Variants in MYLIP observed in about 807,000 individuals in gnomAD.
MYLIP encodes the protein E3 ubiquitin-protein ligase MYLIP.
MYLIP carries 26 observed loss-of-function variants against 45.8 expected under a neutral mutation model. The ratio of observed to expected loss-of-function variants is 0.57; its 90% CI spans 0.42 to 0.79. The LOEUF (loss-of-function observed/expected upper bound fraction) is 0.79, where lower values mean the gene tolerates loss of function less well. MYLIP is among the 30% of genes least tolerant of loss of function. MYLIP has a pLI of 0.00. For missense variants in MYLIP, 494 were observed against 555.6 expected, an observed-to-expected ratio of 0.89 and a Z score of 1.11; for synonymous variants, 213 against 218.1, an observed-to-expected ratio of 0.98 and a Z score of 0.21.
Position 16,130,702 on chromosome 6 carries a change from T to G in MYLIP, c.233T>G (p.Val78Gly), listed in dbSNP as rs766714622. The G allele has an allele frequency of 1.2e-6, 2 of 1,614,072 alleles. No individual in the cohort carries two copies. The highest frequency in any genetic ancestry group is 1.7e-6 in the Non-Finnish European group (2 of 1,180,000). ...GLAPYRLKLR[V>G]KFFVEPHLIL... ...GCCCCTTACAGGCTTAAACTTAGAG[T>G]CAAGTTCTTCGTGGAGCCTCATCTC... The change falls in exon 2 of 7, where the codon GTC becomes GGC. Residue 78 changes from valine to glycine, a missense_variant. Transcript: ENST00000356840.
chr6:16,130,655 C>G lies in MYLIP; in HGVS notation c.186C>G (p.Ile62Met). 1 of 1,614,220 alleles carries G rather than the reference C, an allele frequency of 6.2e-7. No individual in the cohort carries two copies. Among genetic ancestry groups the G allele is most frequent in the South Asian group, 1.1e-5 (1 of 91,086 alleles). ...ESLWLNLRNRISQQMDGLAPY... is the reference protein window; with the variant it reads ...ESLWLNLRNRMSQQMDGLAPY... ...TATGGCTAAACCTGAGAAACCGGAT[C>G]TCCCAGCAGATGGATGGGCTAGCCC... is the stretch of plus-strand genomic sequence containing the variant. Residue 62 changes from isoleucine (I) to methionine (M), a missense_variant, in exon 2 of 7, where the codon ATC (isoleucine) becomes ATG (methionine). Coordinates refer to ENST00000356840, the MANE Select transcript of MYLIP (RefSeq NM_013262.4).
intron 2 of MYLIP, 107 bp downstream of exon 2, chr6:16,130,854 A>G: frequency 2.7e-6 from 3 of 1,129,356 alleles, no homozygotes; most frequent in Non-Finnish European, 3.7e-6. Context: ...TTTGATGCGG[A>G]GTTCCATCTT....
chr6:16,142,694 T>A (rs992351672), intron 3 of MYLIP, among the ~76,000 whole-genome samples: 1 of 152,230 alleles, frequency 6.6e-6, no homozygotes, highest in Non-Finnish European at 1.5e-5. Context: ...TTTATACTTA[T>A]AAACTATATG....
chr6:16,149,787 A>C (rs904566243), downstream of MYLIP, among the ~76,000 whole-genome samples: 4 of 152,268 alleles, frequency 2.6e-5, no homozygotes, highest in Non-Finnish European at 4.4e-5. Flanking sequence ...AGACAGAGTC[A>C]AAATACTTTA....
intron 5 of MYLIP, 21 bp downstream of exon 5, chr6:16,143,884 G>T: frequency 6.2e-7 from 1 of 1,608,300 alleles, no homozygotes; most frequent in Non-Finnish European, 8.5e-7. Flanking sequence ...CGTGTGCTTG[G>T]TCACCTCAGC....
the MYLIP span, among the ~76,000 whole-genome samples, chr6:16,158,811 A>C: frequency 6.6e-6 from 1 of 152,228 alleles, no homozygotes; most frequent in Non-Finnish European, 1.5e-5. Context: ...CGGAGCTTGC[A>C]GTGAGCCGAG....
chr6:16,146,980 A>G lies in MYLIP; in HGVS notation c.*229A>G. The stretch of plus-strand genomic sequence containing the variant: ...GACCAGGAGGAGCTCTGGGACGCAG[A>G]CACATTCCTTGGATGTTGATTTTTT... On this transcript the variant is annotated 3_prime_UTR_variant, in exon 7 of 7. Coordinates refer to ENST00000356840, the MANE Select transcript of MYLIP (RefSeq NM_013262.4). The G allele has an allele frequency of 2.4e-6, 1 of 410,008 alleles. No individual in the cohort carries two copies. Among genetic ancestry groups the G allele is most frequent in the Non-Finnish European group, 4.5e-6 (1 of 220,856 alleles). 25.4% of individuals were successfully genotyped at this position (410,008 alleles called of 1,614,324 possible).
downstream of MYLIP, among the ~76,000 whole-genome samples, chr6:16,151,631 T>C (rs1456839543): frequency 6.6e-6 from 1 of 152,240 alleles, no homozygotes; most frequent in African/African-American, 2.4e-5. Context: ...TTCCAAAACA[T>C]TGCAGATTAC....
At chr6:16,140,522 A>T (rs1759646606) in intron 2 of MYLIP, among the ~76,000 whole-genome samples, 1 of 152,180 alleles carries the variant, frequency 6.6e-6, no homozygotes, top group South Asian at 2.1e-4. Context: ...CATAATATAC[A>T]TGTTATGTCA....
downstream of MYLIP, among the ~76,000 whole-genome samples, chr6:16,149,475 A>T (rs1308413634): frequency 6.6e-6 from 1 of 152,258 alleles, no homozygotes; most frequent in Non-Finnish European, 1.5e-5. Context: ...AGTTGGAAAA[A>T]GAAAGTGCAT....
intron 2 of MYLIP, 198 bp from the exon 3 acceptor site, chr6:16,141,427 T>C (rs1197451837): frequency 8.9e-6 from 4 of 448,544 alleles, no homozygotes; most frequent in African/African-American, 5.9e-5. Context: ...GTCACAACTT[T>C]TATTCCAGAG....
At chr6:16,158,918 AT>A in the MYLIP span, among the ~76,000 whole-genome samples, 1 of 152,192 alleles carries the variant, frequency 6.6e-6, no homozygotes, top group Non-Finnish European at 1.5e-5. Flanking sequence ...GTTCATGGTC[AT>A]TTTTTGAAGA....
At chr6:16,145,932 T>A (rs1759781244) in intron 6 of MYLIP, among the ~76,000 whole-genome samples, 1 of 152,224 alleles carries the variant, frequency 6.6e-6, no homozygotes. Flanking sequence ...TCTTACAAGT[T>A]TTTTCAATTT....
Position 16,130,741 on chromosome 6 carries a change from A to G in MYLIP, c.272A>G (p.Gln91Arg), listed in dbSNP as rs777026271. The part of the protein sequence containing the change: ...FVEPHLILQE[Q>R]TRHIFFLHIK... Reference sequence around the variant, plus strand: ...GAGCCTCATCTCATCTTACAGGAGCAGACTAGGTAAAGTGAGCTAAAATAA... The same window carrying G: ...GAGCCTCATCTCATCTTACAGGAGCGGACTAGGTAAAGTGAGCTAAAATAA... The change falls in exon 2 of 7, where the codon CAG becomes CGG. Residue 91 changes from glutamine (Q) to arginine (R), a missense_variant. Gln to Arg is a conservative substitution (Grantham distance 43). Transcript: ENST00000356840. The G allele has an allele frequency of 2.5e-6, 4 of 1,613,366 alleles. No individual in the cohort carries two copies. Among genetic ancestry groups the G allele is most frequent in the Non-Finnish European group, 3.4e-6 (4 of 1,179,684 alleles).
At chr6:16,140,583 T>G (rs975433736) in intron 2 of MYLIP, among the ~76,000 whole-genome samples, 2 of 151,966 alleles carry the variant, frequency 1.3e-5, no homozygotes, top group Non-Finnish European at 2.9e-5. Context: ...GACCAAAGGG[T>G]ATCCAAGCAA....
the MYLIP span, among the ~76,000 whole-genome samples, chr6:16,154,316 T>G: frequency 6.6e-6 from 1 of 152,276 alleles, no homozygotes; most frequent in South Asian, 2.1e-4. Flanking sequence ...TTAACCTAAA[T>G]TTACATGCTG....
rs35112615 is a variant in MYLIP at position 16,146,867 on chromosome 6, TA to T, written c.*130del. On this transcript the variant is annotated 3_prime_UTR_variant, in exon 7 of 7. Coordinates refer to ENST00000356840, the MANE Select transcript of MYLIP (RefSeq NM_013262.4). ...CCAACACCCATCTGCCATGCGATGT[TA>T]AAAAAAAAAAAAAGGAAGAAAAATA... 0.15 allele frequency: 89,147 copies of T among 603,290 alleles called. No individual in the cohort carries two copies. The highest frequency in any genetic ancestry group is 0.18 in the Middle Eastern group (366 of 2,042). 37.4% of individuals were successfully genotyped at this position (603,290 alleles called of 1,614,324 possible). A position where few individuals can be genotyped will look rare whatever the true frequency, so the allele number is the denominator to read the frequency against.
At chr6:16,161,650 C>G in the MYLIP span, among the ~76,000 whole-genome samples, 1 of 152,178 alleles carries the variant, frequency 6.6e-6, no homozygotes. Context: ...AAAATGCTAG[C>G]ACAATTTGGG....
Position 16,132,966 on chromosome 6 carries a change from A to G in MYLIP, c.278+2219A>G, listed in dbSNP as rs144531349. On this transcript the variant is annotated intron_variant, in intron 2 of 6. Coordinates refer to ENST00000356840, the MANE Select transcript of MYLIP (RefSeq NM_013262.4). ...AGTGTAGTATACTGAAAGTATCTAG[A>G]CAGTTTATTAAATGATGCTGAAATA... Among the ~76,000 whole-genome samples the G allele has an allele frequency of 2.7e-3, 412 of 152,330 alleles. 1 individual carries two copies. The highest frequency in any genetic ancestry group is 9.1e-3 in the African/African-American group (378 of 41,566).
Sources: allele counts gnomAD v4.1 joint callset (sites outside exome capture counted in the v4.1 genomes callset), GRCh38; gene constraint gnomAD v4.1.1; transcripts MANE v1.5; gene names NCBI Gene and HGNC (gene_info 2026-07-23, HGNC 2026-07-21).